The following CUBN variants were observed in gnomAD, a reference collection of about 807,000 sequenced individuals.
CUBN encodes 460 kDa receptor.
CUBN carries 282 observed loss-of-function variants against 405.3 expected under a neutral mutation model. The ratio of observed to expected loss-of-function variants is 0.70; its 90% CI spans 0.63 to 0.77. The LOEUF (loss-of-function observed/expected upper bound fraction) is 0.77. Among genes scored for constraint, CUBN ranks in the 30% least tolerant of loss-of-function variants. CUBN has a pLI of 0.00. For synonymous variants in CUBN, 1,684 were observed against 1,617.0 expected (o/e 1.04, Z -0.99); for missense variants, 4,514 against 4,475.2 (o/e 1.01, Z -0.25).
rs780739514 is a variant in CUBN at position 17,127,815 on chromosome 10, G to A, written c.348+14C>T. The A allele has an allele frequency of 5.0e-6, 8 of 1,586,870 alleles. No homozygotes were observed. The highest frequency in any genetic ancestry group is 6.9e-6 in the Non-Finnish European group (8 of 1,155,400). On this transcript the variant is annotated intron_variant, in intron 3 of 66. Transcript: ENST00000377833. ...AGAACTCATCGGTTCTTATGACGTAGATGTCAGACTTACCTTGGAATTAAG... is the reference window on the plus strand; with the variant it reads ...AGAACTCATCGGTTCTTATGACGTAAATGTCAGACTTACCTTGGAATTAAG...
At chr10:17,062,023 A>C (rs967965931) in intron 22 of CUBN, among the ~76,000 whole-genome samples, 1 of 152,160 alleles carries the variant, frequency 6.6e-6, no homozygotes, top group African/African-American at 2.4e-5. Flanking sequence ...TTGTGCTTCA[A>C]ACTTTCTTGA....
intron 31 of CUBN, among the ~76,000 whole-genome samples, chr10:16,979,481 T>C (rs1032438102): frequency 3.3e-5 from 5 of 152,166 alleles, no homozygotes; most frequent in Non-Finnish European, 5.9e-5. Flanking sequence ...ATGGTACTGG[T>C]ACCAAAAGAG....
chr10:16,949,871 T>G, intron 34 of CUBN, 130 bp downstream of exon 34: 1 of 731,762 alleles, frequency 1.4e-6, no homozygotes, highest in Non-Finnish European at 2.4e-6. Flanking sequence ...CTAATCATCT[T>G]TATTTGGCTT....
chr10:17,093,894 G>A (rs1319012444), intron 14 of CUBN, among the ~76,000 whole-genome samples: 1 of 151,838 alleles, frequency 6.6e-6, no homozygotes, highest in African/African-American at 2.4e-5. Flanking sequence ...AAGAAGGCAA[G>A]AATATAAAAC....
intron 60 of CUBN, among the ~76,000 whole-genome samples, chr10:16,844,350 G>C (rs1328787201): frequency 6.6e-6 from 1 of 152,060 alleles, no homozygotes; most frequent in Non-Finnish European, 1.5e-5. Context: ...CCAGGCCATG[G>C]AAGTGTGAAA....
intron 19 of CUBN, 130 bp from the exon 20 acceptor site, chr10:17,068,900 T>C (rs777549455): frequency 1.3e-6 from 1 of 772,126 alleles, no homozygotes; most frequent in Non-Finnish European, 2.1e-6. Flanking sequence ...TTTAGCACAT[T>C]TTAGTCACCC....
chr10:17,115,437 T>C, intron 7 of CUBN, 34 bp downstream of exon 7: 1 of 1,612,778 alleles, frequency 6.2e-7, no homozygotes, highest in Non-Finnish European at 8.5e-7. Context: ...ACCATGGCTC[T>C]CTGCAAGGAG....
intron 40 of CUBN, among the ~76,000 whole-genome samples, chr10:16,928,532 C>CCCCCCCTTT (rs1403918589): frequency 2.8e-5 from 3 of 107,122 alleles, no homozygotes; most frequent in Non-Finnish European, 3.7e-5. Flanking sequence ...CCACCCCCCC[C>CCCCCCCTTT]TTTTTTTTTT....
intron 21 of CUBN, 124 bp from the exon 22 acceptor site, chr10:17,065,762 A>C: frequency 8.8e-7 from 1 of 1,129,976 alleles, no homozygotes; most frequent in Non-Finnish European, 1.3e-6. Context: ...ATCAACCTTA[A>C]AACACAAATA....
At chr10:17,098,859 T>C (rs1207295917) in intron 14 of CUBN, among the ~76,000 whole-genome samples, 1 of 152,144 alleles carries the variant, frequency 6.6e-6, no homozygotes, top group Non-Finnish European at 1.5e-5. Context: ...AACAAAGATA[T>C]GGAATACTTA....
rs138664741 is a variant in CUBN, at chr10:16,949,517, C to T, written c.5080+484G>A. Among the ~76,000 whole-genome samples, 18 of 150,642 alleles carry T rather than the reference C, an allele frequency of 1.2e-4. No individual in the cohort carries two copies. In the East Asian group the frequency reaches 3.1e-3, roughly 26 times the overall value. On this transcript the variant is annotated intron_variant, in intron 34 of 66. Transcript: ENST00000377833. The stretch of plus-strand genomic sequence containing the variant: ...TGAGAGCATTTCAGAAACTAGATAG[C>T]GGCACTCTTTAATTTTATTGGGATG...
intron 17 of CUBN, among the ~76,000 whole-genome samples, chr10:17,079,074 T>C (rs1447502901): frequency 2.0e-5 from 3 of 152,058 alleles, no homozygotes; most frequent in South Asian, 2.1e-4. Context: ...ACAGAATTAT[T>C]TCACTAGAGG....
At chr10:16,987,961 G>A (rs1016431378) in intron 29 of CUBN, among the ~76,000 whole-genome samples, 1 of 152,254 alleles carries the variant, frequency 6.6e-6, no homozygotes, top group African/African-American at 2.4e-5. Context: ...ATGTCAGCTT[G>A]TCATAATAAA....
At chr10:16,974,499 A>G (rs1376993919) in intron 31 of CUBN, among the ~76,000 whole-genome samples, 2 of 151,546 alleles carry the variant, frequency 1.3e-5, no homozygotes, top group African/African-American at 2.4e-5. Context: ...TCTTGGCTCA[A>G]TGCAAGCTCT....
intron 22 of CUBN, among the ~76,000 whole-genome samples, chr10:17,054,116 T>C (rs147672302): frequency 2.6e-5 from 4 of 151,976 alleles, no homozygotes; most frequent in African/African-American, 7.2e-5. Flanking sequence ...GCAGATTACG[T>C]GGTCAGGAGT....
At chr10:17,074,908 G>T (rs182201830) in intron 17 of CUBN, among the ~76,000 whole-genome samples, 144 of 152,098 alleles carry the variant, frequency 9.5e-4, no homozygotes, top group African/African-American at 3.1e-3. Context: ...ATATTAAAAA[G>T]TCTTAAATTG....
At chr10:16,872,154 C>T (rs556521304) in intron 58 of CUBN, among the ~76,000 whole-genome samples, 25 of 152,154 alleles carry the variant, frequency 1.6e-4, no homozygotes, top group East Asian at 1.5e-3. Context: ...GTGGGAGAAT[C>T]GCTTGAACCC....
At chr10:16,889,204 T>C (rs772376007) in intron 55 of CUBN, among the ~76,000 whole-genome samples, 3 of 152,206 alleles carry the variant, frequency 2.0e-5, no homozygotes, top group Non-Finnish European at 4.4e-5. Flanking sequence ...CTCTATCCTT[T>C]TAAATTGACA....
chr10:17,086,278 A>G (rs1836108053), intron 15 of CUBN, among the ~76,000 whole-genome samples: 1 of 152,132 alleles, frequency 6.6e-6, no homozygotes, highest in South Asian at 2.1e-4. Context: ...ACTGGATTTC[A>G]ATTCCAAGGC....
Sources: gnomAD v4.1 joint callset for allele counts (sites outside exome capture counted in the v4.1 genomes callset) on GRCh38, gnomAD v4.1.1 for gene constraint, MANE v1.5 for transcripts, NCBI Gene and HGNC (gene_info 2026-07-23, HGNC 2026-07-21) for gene names.